HMMR: variants seen among roughly 807,000 people sequenced by gnomAD.
HMMR encodes the protein intracellular hyaluronic acid-binding protein.
Under a neutral mutation model 101.0 loss-of-function variants are expected in HMMR, and 108 were observed. The observed-to-expected ratio is 1.07, with a 90% CI of 0.92 to 1.25. The LOEUF (loss-of-function observed/expected upper bound fraction) is 1.25. HMMR is among the 50% of genes most tolerant of loss of function. The probability of loss-of-function intolerance (pLI) is 0.00; values close to 1 mark genes in which losing one functional copy is unlikely to be tolerated. For missense variants in HMMR, 813 were observed against 788.7 expected, an observed-to-expected ratio of 1.03 and a Z score of -0.37; for synonymous variants, 296 against 276.4, an observed-to-expected ratio of 1.07 and a Z score of -0.70.
Position 163,471,379 on chromosome 5 carries a change from A to C in HMMR, c.566A>C (p.Gln189Pro). 6.2e-7 allele frequency: 1 copy of C among 1,614,120 alleles called. No homozygotes were observed. Among genetic ancestry groups the C allele is most frequent in the Middle Eastern group, 1.6e-4 (1 of 6,062 alleles). ...GTTGTGTAGGGTATGATGGCTAAGC[A>C]AGAAGGCATGGAGATGAAGCTGCAG... Reference protein sequence around the residue: ...ETKMRGMMAKQEGMEMKLQVT... With the variant: ...ETKMRGMMAKPEGMEMKLQVT... The change falls in exon 7 of 18, where the codon CAA (glutamine) becomes CCA (proline). Residue 189 changes from glutamine (Q) to proline (P), a missense_variant. Transcript: ENST00000393915.
At chr5:163,472,351 T>G (rs1758925138) in intron 7 of HMMR, among the ~76,000 whole-genome samples, 1 of 152,132 alleles carries the variant, frequency 6.6e-6, no homozygotes, top group Non-Finnish European at 1.5e-5. Flanking sequence ...CTCTTTACTC[T>G]TCTCCTTTTG....
chr5:163,483,571 A>AT (rs1759358200), intron 15 of HMMR, among the ~76,000 whole-genome samples: 1 of 152,136 alleles, frequency 6.6e-6, no homozygotes, highest in African/African-American at 2.4e-5. Flanking sequence ...TAATTGACAA[A>AT]TTTAATTGAC....
At chr5:163,468,370 G>A (rs1437079961) in intron 4 of HMMR, among the ~76,000 whole-genome samples, 1 of 152,186 alleles carries the variant, frequency 6.6e-6, no homozygotes, top group Non-Finnish European at 1.5e-5. Flanking sequence ...TTTCCACCAT[G>A]ACAGAAATTT....
intron 16 of HMMR, among the ~76,000 whole-genome samples, chr5:163,485,045 G>T (rs1759428459): frequency 6.6e-6 from 1 of 151,768 alleles, no homozygotes; most frequent in Non-Finnish European, 1.5e-5. Context: ...CACATTTTTG[G>T]CTATTATGAA....
At chr5:163,479,153 T>A (rs981051648) in intron 12 of HMMR, among the ~76,000 whole-genome samples, 4 of 152,178 alleles carry the variant, frequency 2.6e-5, no homozygotes, top group Non-Finnish European at 5.9e-5. Context: ...TCTCTTGATG[T>A]TATCATTTTC....
chr5:163,469,844 T>C lies in HMMR; in HGVS notation c.462+15T>C. ...TAAAATCTAAGGTATCTGAGCCTCA[T>C]GATAATATTTACAATTGAATAAATA... On this transcript the variant is annotated intron_variant, in intron 5 of 17. Transcript: ENST00000393915. 6.5e-7 allele frequency: 1 copy of C among 1,527,214 alleles called. No homozygotes were observed. Among genetic ancestry groups the C allele is most frequent in the Middle Eastern group, 1.7e-4 (1 of 5,812 alleles). The allele number at this position is 1,527,214 out of a possible 1,614,324, so 94.6% of individuals were successfully genotyped here. A position where few individuals can be genotyped will look rare whatever the true frequency, so the allele number is the denominator to read the frequency against.
chr5:163,468,781 A>C (rs1388156986), intron 4 of HMMR, among the ~76,000 whole-genome samples: 1 of 151,566 alleles, frequency 6.6e-6, no homozygotes, highest in Non-Finnish European at 1.5e-5. Flanking sequence ...CATTGGGTAT[A>C]GAATTTTAGG....
chr5:163,491,052 A>G lies in HMMR; in HGVS notation c.2126-60A>G, dbSNP rs1193376130. The G allele has an allele frequency of 7.5e-6, 7 of 935,836 alleles. 1 individual carries two copies. Among genetic ancestry groups the G allele is most frequent in the South Asian group, 3.3e-5 (2 of 59,812 alleles). The allele number at this position is 935,836 out of a possible 1,614,324, so 58.0% of individuals were successfully genotyped here. On this transcript the variant is annotated intron_variant, in intron 17 of 17. Coordinates refer to ENST00000393915, the MANE Select transcript of HMMR (RefSeq NM_001142556.2). Reference sequence around the variant, plus strand: ...ATACAAGGCCTGTTTTTAGTTTATAATGATGGATAAATTCGTTTTAATCTA... The same window carrying G: ...ATACAAGGCCTGTTTTTAGTTTATAGTGATGGATAAATTCGTTTTAATCTA...
intron 17 of HMMR, 22 bp from the exon 18 acceptor site, chr5:163,491,089 CT>C: frequency 6.9e-7 from 1 of 1,448,460 alleles, no homozygotes. Context: ...ATTACTAATC[CT>C]TCTTTTCAAT....
intron 10 of HMMR, 58 bp downstream of exon 10, chr5:163,474,263 T>C: frequency 7.7e-7 from 1 of 1,294,960 alleles, no homozygotes. Context: ...TTTCCCTATG[T>C]CTCTGAACAC....
intron 11 of HMMR, among the ~76,000 whole-genome samples, chr5:163,476,018 A>G (rs1439659253): frequency 6.6e-6 from 1 of 152,162 alleles, no homozygotes; most frequent in Admixed American, 6.5e-5. Context: ...CATTAGAACA[A>G]TAATCAACTC....
intron 16 of HMMR, 35 bp downstream of exon 16, chr5:163,484,280 T>G (rs746519058): frequency 8.8e-7 from 1 of 1,141,424 alleles, no homozygotes; most frequent in Non-Finnish European, 1.3e-6. Flanking sequence ...ATTAAAGATA[T>G]TGGAGTGGGG....
intron 16 of HMMR, among the ~76,000 whole-genome samples, chr5:163,487,528 T>C (rs1759520497): frequency 6.6e-6 from 1 of 152,158 alleles, no homozygotes; most frequent in South Asian, 2.1e-4. Flanking sequence ...TGGTAGAATT[T>C]ATTGGTGAAG....
intron 16 of HMMR, among the ~76,000 whole-genome samples, chr5:163,489,885 T>G (rs1759623160): frequency 6.6e-6 from 1 of 152,208 alleles, no homozygotes; most frequent in Admixed American, 6.5e-5. Flanking sequence ...CCGTCTGGCG[T>G]GGACTTTGCC....
At chr5:163,463,161 T>TATA (rs139553004) in intron 1 of HMMR, among the ~76,000 whole-genome samples, 1,715 of 152,304 alleles carry the variant, frequency 0.011, 33 homozygotes, top group African/African-American at 0.038. Flanking sequence ...AACATACAAA[T>TATA]ATAGTCTAGT....
chr5:163,490,634 A>C, intron 17 of HMMR, 82 bp downstream of exon 17: 1 of 1,079,232 alleles, frequency 9.3e-7, no homozygotes, highest in East Asian at 2.4e-5. Flanking sequence ...CCATTTTATG[A>C]ACTGTGAAAA....
At chr5:163,473,925 G>A in intron 9 of HMMR, 132 bp from the exon 10 acceptor site, 1 of 712,092 alleles carries the variant, frequency 1.4e-6, no homozygotes, top group Non-Finnish European at 2.4e-6. Context: ...ATGATACAAA[G>A]TTCACAGTTT....
intron 10 of HMMR, chr5:163,474,456 C>G (rs1759004822): frequency 2.1e-6 from 1 of 482,994 alleles, no homozygotes; most frequent in South Asian, 1.7e-5. Context: ...AAAAAATTTT[C>G]TGGCTCATTC....
chr5:163,468,498 T>C (rs1758770290), intron 4 of HMMR, among the ~76,000 whole-genome samples: 1 of 152,226 alleles, frequency 6.6e-6, no homozygotes, highest in Non-Finnish European at 1.5e-5. Flanking sequence ...GACCAACTCT[T>C]TTCCTCATGG....
Sources: gnomAD v4.1 joint callset for allele counts (sites outside exome capture counted in the v4.1 genomes callset) on GRCh38, gnomAD v4.1.1 for gene constraint, MANE v1.5 for transcripts, NCBI Gene and HGNC (gene_info 2026-07-23, HGNC 2026-07-21) for gene names.